TRPM7: variants seen among roughly 807,000 people sequenced by gnomAD.
The protein encoded by TRPM7 is transient receptor potential cation channel subfamily M member 7, also known as LTRPC ion channel family member 7.
A neutral mutation model predicts 229.7 loss-of-function variants in TRPM7; 134 were observed. The ratio of observed to expected loss-of-function variants is 0.58; its 90% CI spans 0.51 to 0.67. The LOEUF (loss-of-function observed/expected upper bound fraction) is 0.67, where lower values mean the gene tolerates loss of function less well. Ranked by LOEUF, TRPM7 falls within the 30% of genes least tolerant of loss-of-function variation. The pLI is 0.00. For synonymous variants in TRPM7, 699 were observed against 715.2 expected, an observed-to-expected ratio of 0.98 and a Z score of 0.36; for missense variants, 1,901 against 2,210.0, an observed-to-expected ratio of 0.86 and a Z score of 2.80.
intron 24 of TRPM7, 32 bp downstream of exon 24, chr15:50,594,397 T>C (rs372603831): frequency 1.3e-6 from 2 of 1,529,240 alleles, no homozygotes; most frequent in African/African-American, 2.8e-5. Flanking sequence ...AGTGATAAAA[T>C]GAAAACATTT....
intron 20 of TRPM7, among the ~76,000 whole-genome samples, chr15:50,606,499 C>T: frequency 6.6e-6 from 1 of 151,952 alleles, no homozygotes; most frequent in East Asian, 1.9e-4. Flanking sequence ...AAAGACCTAA[C>T]TATTTTATTT....
intron 3 of TRPM7, among the ~76,000 whole-genome samples, chr15:50,655,864 C>T (rs1038690986): frequency 6.6e-6 from 1 of 151,854 alleles, no homozygotes; most frequent in African/African-American, 2.4e-5. Flanking sequence ...GTGGTGTGTG[C>T]CTGTAATCCC....
rs987713650 is a variant in TRPM7 at position 50,634,449 on chromosome 15, C to G, written c.940G>C (p.Val314Leu). Reference protein sequence around the residue: ...LQESPPVPVVVCEGTGRAADL... With the variant: ...LQESPPVPVVLCEGTGRAADL... ...GCAGCTCTGCCTGTTCCTTCACACA[C>G]AACTACTGGAACAGGGGGGCTTTCC... The change falls in exon 8 of 39, where the codon GTG (valine) becomes CTG (leucine). Residue 314 changes from valine to leucine, a missense_variant. By Grantham distance (32) the Val-to-Leu change is conservative (BLOSUM62 1). Coordinates refer to ENST00000646667, the MANE Select transcript of TRPM7 (RefSeq NM_017672.6). 1 of 1,587,882 alleles carries G rather than the reference C, an allele frequency of 6.3e-7. No individual in the cohort carries two copies. The highest frequency in any genetic ancestry group is 8.6e-7 in the Non-Finnish European group (1 of 1,169,132).
At chr15:50,618,906 C>T (rs1375647454) in intron 13 of TRPM7, among the ~76,000 whole-genome samples, 1 of 152,134 alleles carries the variant, frequency 6.6e-6, no homozygotes, top group Non-Finnish European at 1.5e-5. Context: ...GGATAATCAA[C>T]CTCCAGTTCC....
chr15:50,593,827 T>C, intron 24 of TRPM7, 78 bp from the exon 25 acceptor site: 1 of 1,426,266 alleles, frequency 7.0e-7, no homozygotes, highest in African/African-American at 1.4e-5. Context: ...TTACGAATTA[T>C]TCAGGGTTTC....
rs376987234 is a variant in TRPM7 at position 50,580,937 on chromosome 15, A to C, written c.4558-29T>G. ...CAGTAAAAAAAAAACACACACACAC[A>C]AAAACCTTAAAGACAAAAATCTCTA... On this transcript the variant is annotated intron_variant, in intron 29 of 38. Coordinates refer to ENST00000646667, the MANE Select transcript of TRPM7 (RefSeq NM_017672.6). 4.7e-5 allele frequency: 74 copies of C among 1,566,296 alleles called. 1 individual carries two copies. The African/African-American group carries it at 9.3e-4, about 20-fold the overall frequency.
intron 4 of TRPM7, among the ~76,000 whole-genome samples, chr15:50,647,676 C>A (rs1247329579): frequency 6.6e-6 from 1 of 151,898 alleles, no homozygotes; most frequent in African/African-American, 2.4e-5. Flanking sequence ...ACCCAGGAGG[C>A]CGGAGGTTGC....
rs770368588 is a variant in TRPM7 at position 50,569,877 on chromosome 15, A to G, written c.5467+10T>C. The G allele has an allele frequency of 2.5e-6, 4 of 1,588,390 alleles. No homozygotes were observed. The highest frequency in any genetic ancestry group is 4.5e-5 in the East Asian group (2 of 44,640). On this transcript the variant is annotated intron_variant, in intron 38 of 38. Transcript: ENST00000646667. ...AATTTATATACTATACTGATTAAGA[A>G]ATTTTTTACCTGGAAGTTTAAGCTT... is the stretch of plus-strand genomic sequence containing the variant.
chr15:50,589,086 C>A (rs1056849103), intron 27 of TRPM7, among the ~76,000 whole-genome samples: 2 of 152,108 alleles, frequency 1.3e-5, no homozygotes, highest in Non-Finnish European at 2.9e-5. Flanking sequence ...CCTTGGGAAG[C>A]CGAGGCAGGC....
At chr15:50,606,774 C>T (rs2059928978) in intron 20 of TRPM7, among the ~76,000 whole-genome samples, 2 of 152,232 alleles carry the variant, frequency 1.3e-5, no homozygotes, top group Admixed American at 1.3e-4. Context: ...GCTGCCATTA[C>T]AGGCGTGAGC....
chr15:50,574,336 A>G lies in TRPM7; in HGVS notation c.5246T>C (p.Leu1749Pro). Residue 1749 changes from leucine (L) to proline (P), a missense_variant, in exon 36 of 39, where the codon CTA (leucine) becomes CCA (proline). Leu to Pro is a moderately conservative substitution (Grantham distance 98, BLOSUM62 -3). Coordinates refer to ENST00000646667, the MANE Select transcript of TRPM7 (RefSeq NM_017672.6). ...IPTNTLEEIM[L>P]AFSHWTYEYT... ...TTCGTAAGTCCAGTGGCTAAAGGCT[A>G]GCATGATCTCTTCCAGAGTATTAGT... 6.2e-7 allele frequency: 1 copy of G among 1,614,084 alleles called. No homozygotes were observed. The highest frequency in any genetic ancestry group is 8.5e-7 in the Non-Finnish European group (1 of 1,179,976).
At chr15:50,609,473 G>T in intron 19 of TRPM7, 108 bp downstream of exon 19, 1 of 1,055,486 alleles carries the variant, frequency 9.5e-7, no homozygotes, top group Non-Finnish European at 1.3e-6. Context: ...AATGTGAAAT[G>T]CCTTTTCAGT....
Position 50,637,406 on chromosome 15 carries a change from T to C in TRPM7, c.832+16A>G, listed in dbSNP as rs528981572. ...CAGGACAATTTCAACAATAACAAAT[T>C]TGTGAATTCACTTACTAGCATGAAT... is the stretch of plus-strand genomic sequence containing the variant. On this transcript the variant is annotated intron_variant, in intron 7 of 38. Coordinates refer to ENST00000646667, the MANE Select transcript of TRPM7 (RefSeq NM_017672.6). The C allele has an allele frequency of 3.6e-5, 58 of 1,606,358 alleles. No homozygotes were observed. In the South Asian group the frequency reaches 5.7e-4, roughly 16 times the overall value.
chr15:50,670,602 G>C (rs893330757), intron 1 of TRPM7, among the ~76,000 whole-genome samples: 2 of 152,108 alleles, frequency 1.3e-5, no homozygotes, highest in Admixed American at 1.3e-4. Context: ...TTTAAAAAGA[G>C]GAGGAACCCT....
chr15:50,683,234 A>C (rs554222140), intron 1 of TRPM7, among the ~76,000 whole-genome samples: 1 of 31,614 alleles, frequency 3.2e-5, no homozygotes, highest in East Asian at 1.1e-3. Context: ...GCAGTCACTT[A>C]AAAAAAAAAA....
At chr15:50,607,573 G>A (rs928855183) in intron 19 of TRPM7, among the ~76,000 whole-genome samples, 31 of 152,112 alleles carry the variant, frequency 2.0e-4, no homozygotes, top group African/African-American at 7.0e-4. Context: ...CCTTTAGAAC[G>A]TCCCACAGAA....
intron 1 of TRPM7, among the ~76,000 whole-genome samples, chr15:50,664,460 T>C (rs368230177): frequency 6.6e-6 from 1 of 151,030 alleles, no homozygotes; most frequent in Non-Finnish European, 1.5e-5. Flanking sequence ...AGAAGAAAAA[T>C]AGTGTCAGAA....
chr15:50,608,515 C>T (rs2059980197), intron 19 of TRPM7, among the ~76,000 whole-genome samples: 1 of 152,178 alleles, frequency 6.6e-6, no homozygotes, highest in African/African-American at 2.4e-5. Context: ...TTAACGCAGC[C>T]ATTCACATGA....
intron 28 of TRPM7, among the ~76,000 whole-genome samples, chr15:50,585,303 T>C (rs2054643671): frequency 6.6e-6 from 1 of 152,164 alleles, no homozygotes; most frequent in Admixed American, 6.5e-5. Context: ...CCTCAGGTGA[T>C]CCACCTGCCT....
Sources: allele counts gnomAD v4.1 joint callset (sites outside exome capture counted in the v4.1 genomes callset), GRCh38; gene constraint gnomAD v4.1.1; transcripts MANE v1.5; gene names NCBI Gene and HGNC (gene_info 2026-07-23, HGNC 2026-07-21).